BOC: variants seen among roughly 807,000 people sequenced by gnomAD.
BOC encodes the protein brother of CDO.
A neutral mutation model predicts 112.0 loss-of-function variants in BOC; 76 were observed. The observed-to-expected ratio is 0.68, with a 90% CI of 0.56 to 0.82. The LOEUF (loss-of-function observed/expected upper bound fraction) is 0.82. BOC is among the 40% of genes least tolerant of loss of function. The pLI is 0.00. For missense variants in BOC, 1,309 were observed against 1,511.7 expected (o/e 0.87, Z 2.22); for synonymous variants, 580 against 599.8 (o/e 0.97, Z 0.48).
intron 1 of BOC, chr3:113,212,270 G>A (rs1938323379): frequency 6.6e-6 from 1 of 152,010 alleles, no homozygotes; most frequent in Admixed American, 6.6e-5. Context: ...GGGTCCCGGG[G>A]GCTGCAGCCG....
At chr3:113,218,214 G>A (rs1939858495) in intron 2 of BOC, among the ~76,000 whole-genome samples, 1 of 152,196 alleles carries the variant, frequency 6.6e-6, no homozygotes, top group Non-Finnish European at 1.5e-5. Flanking sequence ...AGTCTACGTT[G>A]GAACTGGACT....
Position 113,278,593 on chromosome 3 carries a change from T to G in BOC, c.1706-80T>G. ...CACTTTGTCATGCCGCTTAGCAGAGTCTCAGGCAAAAAGGACTCTGTGGGA... is the reference window on the plus strand; with the variant it reads ...CACTTTGTCATGCCGCTTAGCAGAGGCTCAGGCAAAAAGGACTCTGTGGGA... On this transcript the variant is annotated intron_variant, in intron 10 of 19. Transcript: ENST00000682979. The surrounding 1 kb of genome is among the most constrained non-coding windows in gnomAD (Gnocchi z 4.2). 1 of 1,246,156 alleles carries G rather than the reference T, an allele frequency of 8.0e-7. No homozygotes were observed. The highest frequency in any genetic ancestry group is 1.1e-6 in the Non-Finnish European group (1 of 874,790). 77.2% of individuals were successfully genotyped at this position (1,246,156 alleles called of 1,614,324 possible).
chr3:113,256,544 C>G (rs752344628), intron 4 of BOC, among the ~76,000 whole-genome samples: 1 of 152,178 alleles, frequency 6.6e-6, no homozygotes, highest in Non-Finnish European at 1.5e-5. Flanking sequence ...CATGGTGAAT[C>G]TTACAAACAG....
chr3:113,237,675 C>T lies in BOC; in HGVS notation c.-81-12047C>T, dbSNP rs146010461. Among the ~76,000 whole-genome samples, 3 of 152,346 alleles carry T rather than the reference C, an allele frequency of 2.0e-5. No homozygotes were observed. The East Asian group carries it at 5.8e-4, about 29-fold the overall frequency. On this transcript the variant is annotated intron_variant, in intron 2 of 19. Transcript: ENST00000682979. ...ACCTCATCAACATTCAACTCCCCTC[C>T]AGGATTGCCCACACTGACGTGGGGA... is the stretch of plus-strand genomic sequence containing the variant.
intron 2 of BOC, 184 bp downstream of exon 2, chr3:113,216,458 A>C (rs753212203): frequency 5.9e-5 from 20 of 336,984 alleles, no homozygotes; most frequent in African/African-American, 8.6e-5. Context: ...TTTTAGTCAA[A>C]GCCTGTGATG....
intron 2 of BOC, among the ~76,000 whole-genome samples, chr3:113,246,019 GT>G (rs1944883322): frequency 6.6e-6 from 1 of 152,166 alleles, no homozygotes; most frequent in African/African-American, 2.4e-5. Flanking sequence ...ACTCTCAGTT[GT>G]TTGTAATTTT....
At chr3:113,254,277 T>C (rs1452229605) in intron 4 of BOC, among the ~76,000 whole-genome samples, 1 of 152,124 alleles carries the variant, frequency 6.6e-6, no homozygotes, top group Admixed American at 6.5e-5. Context: ...GGCAAAATGT[T>C]TGGGCCTGAC....
intron 6 of BOC, 47 bp from the exon 7 acceptor site, chr3:113,272,363 C>T (rs752477451): frequency 1.9e-6 from 3 of 1,590,666 alleles, no homozygotes; most frequent in Non-Finnish European, 2.6e-6. Context: ...CTCTACAGGA[C>T]ATCCTGGTCC....
At position 113,280,024 on chromosome 3, in the gene BOC, G is replaced by A. The variant is rs1200329657; in HGVS notation, c.2205+19G>A. 2 of 1,584,002 alleles carry A rather than the reference G, an allele frequency of 1.3e-6. No individual in the cohort carries two copies. Among genetic ancestry groups the A allele is most frequent in the South Asian group, 1.1e-5 (1 of 87,078 alleles). On this transcript the variant is annotated intron_variant, in intron 13 of 19. Coordinates refer to ENST00000682979, the MANE Select transcript of BOC (RefSeq NM_001378074.1). The stretch of plus-strand genomic sequence containing the variant: ...GTGGATGGTAAGCGGGCCTGGCCGT[G>A]GACTGCAGTGGAAGACGGCCTCCCC...
At chr3:113,211,273 CT>C (rs1938107148), upstream of BOC, 1 of 152,350 alleles carries the variant, frequency 6.6e-6, no homozygotes, top group Non-Finnish European at 1.5e-5. Flanking sequence ...GGGGAGCCCC[CT>C]GGGTTCGGGG....
intron 2 of BOC, among the ~76,000 whole-genome samples, chr3:113,243,591 G>C (rs1332315323): frequency 2.0e-5 from 3 of 152,116 alleles, no homozygotes; most frequent in Admixed American, 1.3e-4. Context: ...TCACTCAGGC[G>C]GTCGTAGGAT....
intron 2 of BOC, among the ~76,000 whole-genome samples, chr3:113,240,718 A>G (rs1944180402): frequency 6.6e-6 from 1 of 152,220 alleles, no homozygotes; most frequent in South Asian, 2.1e-4. Flanking sequence ...GAATTCTATC[A>G]TATCTTGGTT....
At chr3:113,273,698 A>G (rs990912958) in intron 8 of BOC, among the ~76,000 whole-genome samples, 1 of 152,194 alleles carries the variant, frequency 6.6e-6, no homozygotes, top group Non-Finnish European at 1.5e-5. Context: ...GGGGATGCAG[A>G]GCAACAGGGC....
Position 113,274,410 on chromosome 3 carries a change from G to T in BOC, c.1270G>T (p.Ala424Ser). ...AAGGCTATGGCAGGATGCTGAGCTGGCTACTGGCACACCTCCTGTATCACC... is the reference window on the plus strand; with the variant it reads ...AAGGCTATGGCAGGATGCTGAGCTGTCTACTGGCACACCTCCTGTATCACC... ...TPRLWQDAEL[A>S]TGTPPVSPSK... The change falls in exon 9 of 20, where the codon GCT becomes TCT. Residue 424 changes from alanine (A) to serine (S), a missense_variant. By Grantham distance (99) the Ala-to-Ser change is moderately conservative (BLOSUM62 1). Transcript: ENST00000682979. This position sits in a 1 kb window ranked among gnomAD's most constrained non-coding sequence, Gnocchi z 4.8. 6.4e-7 allele frequency: 1 copy of T among 1,574,398 alleles called. No individual in the cohort carries two copies.
chr3:113,269,041 C>G (rs962190160), intron 5 of BOC, among the ~76,000 whole-genome samples: 1 of 152,210 alleles, frequency 6.6e-6, no homozygotes, highest in Non-Finnish European at 1.5e-5. Context: ...CATCCAGGCT[C>G]TCAGCACATG....
intron 2 of BOC, among the ~76,000 whole-genome samples, chr3:113,218,550 T>C (rs1939938570): frequency 6.6e-6 from 1 of 152,202 alleles, no homozygotes; most frequent in Non-Finnish European, 1.5e-5. Flanking sequence ...GTGCCCTCTT[T>C]TGCAAGTGAG....
chr3:113,278,242 G>T lies in BOC; in HGVS notation c.1690G>T (p.Val564Phe). 6.2e-7 allele frequency: 1 copy of T among 1,614,200 alleles called. No individual in the cohort carries two copies. The highest frequency in any genetic ancestry group is 8.5e-7 in the Non-Finnish European group (1 of 1,180,032). ...NCAGEGQTAM[V>F]TFRTGRRPKP... ...TGCGGGAGAGGGCCAGACAGCCATG[G>T]TCACCTTCCGAACTGGTGAGAGTCA... Residue 564 changes from valine to phenylalanine, a missense_variant, in exon 10 of 20, where the codon GTC becomes TTC. Physicochemically the swap from Val to Phe is conservative, Grantham distance 50. Transcript: ENST00000682979. This position sits in a 1 kb window ranked among gnomAD's most constrained non-coding sequence, Gnocchi z 4.2.
At position 113,270,903 on chromosome 3, in the gene BOC, A is replaced by G. The variant is rs1374386693; in HGVS notation, c.626A>G (p.Glu209Gly). 6.2e-7 allele frequency: 1 copy of G among 1,614,232 alleles called. No homozygotes were observed. ...KCAAYNPVTQEVKTSGSSDRL... is the reference protein window; with the variant it reads ...KCAAYNPVTQGVKTSGSSDRL... ...GCAGCCTACAACCCAGTGACCCAGG[A>G]AGTGAAAACCTCCGGCTCCAGCGAC... Residue 209 changes from glutamate (E) to glycine (G), a missense_variant, in exon 6 of 20, where the codon GAA becomes GGA. Transcript: ENST00000682979.
chr3:113,246,172 A>C (rs1378238160), intron 2 of BOC, among the ~76,000 whole-genome samples: 3 of 152,226 alleles, frequency 2.0e-5, no homozygotes, highest in Admixed American at 6.5e-5. Flanking sequence ...GTGTGTCAGC[A>C]GTTAAATGTT....
Sources: gnomAD v4.1 joint callset for allele counts (sites outside exome capture counted in the v4.1 genomes callset) on GRCh38, gnomAD v4.1.1 for gene constraint, Gnocchi (gnomAD v3.1) non-coding constraint, MANE v1.5 for transcripts, NCBI Gene and HGNC (gene_info 2026-07-23, HGNC 2026-07-21) for gene names.